The following PTPRT variants were observed in gnomAD, a reference collection of about 807,000 sequenced individuals.
PTPRT encodes the protein receptor-type tyrosine-protein phosphatase T.
In PTPRT, 56 loss-of-function variants were observed where a neutral mutation model predicts 176.8. The observed-to-expected ratio is 0.32, with a 90% CI of 0.26 to 0.40. The LOEUF is 0.40. Among genes scored for constraint, PTPRT ranks in the 10% least tolerant of loss-of-function variants. PTPRT has a pLI of 1.00. For missense variants in PTPRT, 1,540 were observed against 1,908.2 expected, an observed-to-expected ratio of 0.81 and a Z score of 3.60; for synonymous variants, 783 against 739.0, an observed-to-expected ratio of 1.06 and a Z score of -0.96.
intron 18 of PTPRT, 126 bp from the exon 19 acceptor site, chr20:42,128,956 A>C: frequency 6.6e-5 from 42 of 633,422 alleles, no homozygotes; most frequent in Non-Finnish European, 8.8e-5. Context: ...TTTAACTCTC[A>C]ACACCACCCT....
intron 7 of PTPRT, among the ~76,000 whole-genome samples, chr20:42,648,832 T>C (rs12151941): frequency 8.8e-6 from 1 of 113,532 alleles, no homozygotes; most frequent in East Asian, 2.0e-4. Context: ...TTTTTTTTTT[T>C]TTTTTTGACA....
intron 14 of PTPRT, among the ~76,000 whole-genome samples, chr20:42,236,619 G>A (rs1010044122): frequency 1.3e-5 from 2 of 149,478 alleles, no homozygotes; most frequent in African/African-American, 4.9e-5. Flanking sequence ...TTGGTCGGCG[G>A]GGTGCAGGTG....
chr20:42,594,299 C>T, intron 7 of PTPRT, among the ~76,000 whole-genome samples: 1 of 152,080 alleles, frequency 6.6e-6, no homozygotes, highest in East Asian at 1.9e-4. Flanking sequence ...ACGACCATTT[C>T]TGAGAAACAG....
At chr20:42,212,416 CAA>C (rs34652089) in intron 15 of PTPRT, among the ~76,000 whole-genome samples, 8,160 of 90,546 alleles carry the variant, frequency 0.09, 616 homozygotes, top group African/African-American at 0.26. Context: ...TCTTTTTTCT[CAA>C]AAAAAAAAAA....
chr20:42,510,839 A>C (rs2071941626), intron 7 of PTPRT, among the ~76,000 whole-genome samples: 1 of 152,172 alleles, frequency 6.6e-6, no homozygotes. Flanking sequence ...AACCTTGAGC[A>C]AAAGCATTAG....
chr20:42,977,051 C>T (rs1037414626), intron 1 of PTPRT, among the ~76,000 whole-genome samples: 2 of 152,084 alleles, frequency 1.3e-5, no homozygotes, highest in Non-Finnish European at 2.9e-5. Context: ...TGACTTAGCC[C>T]TCTTATGGGA....
chr20:42,217,424 C>CACACAG (rs1222401402), intron 15 of PTPRT, among the ~76,000 whole-genome samples: 1 of 88,540 alleles, frequency 1.1e-5, no homozygotes, highest in East Asian at 2.0e-4. Context: ...CACACACACA[C>CACACAG]AGAACATTAC....
rs1206075068 is a variant in PTPRT, at chr20:42,314,567, G to GAAAAT, written c.2139+1155_2139+1156insATTTT. 2.5e-3 allele frequency among the ~76,000 whole-genome samples: 367 copies of GAAAAT among 146,208 alleles called. 1 individual carries two copies. Among genetic ancestry groups the GAAAAT allele is most frequent in the African/African-American group, 8.7e-3 (346 of 39,644 alleles). Reference sequence around the variant, plus strand: ...AGAAAGAAAAGAAAAGAAAAGAAAAGAAATATGAAAATATGACCACCTTGA... The same window carrying GAAAAT: ...AGAAAGAAAAGAAAAGAAAAGAAAAGAAAATAAATATGAAAATATGACCACCTTGA... On this transcript the variant is annotated intron_variant, in intron 12 of 30. Transcript: ENST00000373187.
intron 7 of PTPRT, among the ~76,000 whole-genome samples, chr20:42,511,771 A>G (rs963093873): frequency 6.6e-6 from 1 of 151,656 alleles, no homozygotes; most frequent in African/African-American, 2.4e-5. Flanking sequence ...GGCAAGGTCT[A>G]TTTCCTTCTG....
At chr20:42,692,367 C>T (rs561180038) in intron 6 of PTPRT, among the ~76,000 whole-genome samples, 1 of 152,220 alleles carries the variant, frequency 6.6e-6, no homozygotes, top group East Asian at 1.9e-4. Flanking sequence ...TAAGTTTATG[C>T]TGGGACTACA....
chr20:43,074,437 G>C (rs1457100252), intron 1 of PTPRT, among the ~76,000 whole-genome samples: 1 of 152,166 alleles, frequency 6.6e-6, no homozygotes, highest in East Asian at 1.9e-4. Context: ...GGGCTCCCAA[G>C]CTTCCATATG....
intron 18 of PTPRT, among the ~76,000 whole-genome samples, chr20:42,137,617 C>T (rs1988437655): frequency 6.6e-6 from 1 of 152,222 alleles, no homozygotes; most frequent in Non-Finnish European, 1.5e-5. Context: ...CAGTCCATCT[C>T]TGGGCTCTCT....
intron 7 of PTPRT, among the ~76,000 whole-genome samples, chr20:42,480,207 T>A (rs2071361686): frequency 6.6e-6 from 1 of 152,192 alleles, no homozygotes; most frequent in Admixed American, 6.5e-5. Context: ...GTGCCTTATT[T>A]TTCTCATGTA....
At chr20:42,929,592 A>G (rs560031644) in intron 1 of PTPRT, among the ~76,000 whole-genome samples, 4 of 152,378 alleles carry the variant, frequency 2.6e-5, no homozygotes, top group East Asian at 1.9e-4. Context: ...CAATTTAAAA[A>G]TTAATAATAA....
intron 13 of PTPRT, among the ~76,000 whole-genome samples, chr20:42,265,487 G>C (rs1179578043): frequency 2.0e-5 from 3 of 152,182 alleles, no homozygotes; most frequent in African/African-American, 7.2e-5. Context: ...CATACTTGCT[G>C]TTATATTTTT....
At chr20:43,034,788 C>T (rs1986306386) in intron 1 of PTPRT, among the ~76,000 whole-genome samples, 1 of 151,968 alleles carries the variant, frequency 6.6e-6, no homozygotes, top group African/African-American at 2.4e-5. Flanking sequence ...GTTGACCAAA[C>T]CCAAGGAATT....
intron 13 of PTPRT, among the ~76,000 whole-genome samples, chr20:42,281,481 G>A (rs6030105): frequency 8.1e-4 from 123 of 152,146 alleles, no homozygotes; most frequent in African/African-American, 2.7e-3. Context: ...TGCACATTTC[G>A]TCAAGTAGCT....
chr20:42,495,547 A>C (rs558491340), intron 7 of PTPRT, among the ~76,000 whole-genome samples: 1 of 152,340 alleles, frequency 6.6e-6, no homozygotes, highest in East Asian at 1.9e-4. Context: ...AACTGTCAAA[A>C]GGCACACAGA....
chr20:42,391,887 T>C (rs910978969), intron 9 of PTPRT, among the ~76,000 whole-genome samples: 6 of 152,196 alleles, frequency 3.9e-5, no homozygotes, highest in African/African-American at 1.4e-4. Flanking sequence ...TTGATGATAC[T>C]GTCTAGGTTC....
Sources: gnomAD v4.1 joint callset for allele counts (sites outside exome capture counted in the v4.1 genomes callset) on GRCh38, gnomAD v4.1.1 for gene constraint, MANE v1.5 for transcripts, NCBI Gene and HGNC (gene_info 2026-07-23, HGNC 2026-07-21) for gene names.